The following ZNF609 variants were observed in gnomAD, a reference collection of about 807,000 sequenced individuals.
The protein encoded by ZNF609 is zinc finger protein 609.
In ZNF609, 11 loss-of-function variants were observed where a neutral mutation model predicts 109.5. The ratio of observed to expected loss-of-function variants is 0.10; its 90% CI spans 0.06 to 0.17. The LOEUF is 0.17. Among genes scored for constraint, ZNF609 ranks in the 10% least tolerant of loss-of-function variants. ZNF609 has a pLI of 1.00. For synonymous variants in ZNF609, 646 were observed against 662.0 expected, an observed-to-expected ratio of 0.98 and a Z score of 0.37; for missense variants, 1,559 against 1,772.4, an observed-to-expected ratio of 0.88 and a Z score of 2.16.
intron 2 of ZNF609, among the ~76,000 whole-genome samples, chr15:64,534,634 A>T (rs1380894874): frequency 3.9e-5 from 6 of 152,040 alleles, no homozygotes; most frequent in Non-Finnish European, 7.4e-5. Context: ...TTTTTATACC[A>T]TACCCACTTT....
intron 3 of ZNF609, among the ~76,000 whole-genome samples, chr15:64,665,480 C>G (rs999997263): frequency 6.6e-6 from 1 of 152,248 alleles, no homozygotes. Flanking sequence ...GACCAGGTGC[C>G]GTGGCTCATG....
chr15:64,568,458 C>T (rs2140411273), intron 2 of ZNF609, among the ~76,000 whole-genome samples: 1 of 152,282 alleles, frequency 6.6e-6, no homozygotes, highest in Admixed American at 6.5e-5. Flanking sequence ...ATTAGAATAA[C>T]TTGAGGAGCT....
intron 2 of ZNF609, among the ~76,000 whole-genome samples, chr15:64,566,519 T>C (rs75187974): frequency 0.013 from 1,980 of 152,300 alleles, 33 homozygotes; most frequent in African/African-American, 0.046. Flanking sequence ...TCAGAATAGG[T>C]GGCCATGATG....
chr15:64,668,146 A>T (rs886529671), intron 3 of ZNF609, among the ~76,000 whole-genome samples: 3 of 152,228 alleles, frequency 2.0e-5, no homozygotes, highest in Admixed American at 2.0e-4. Flanking sequence ...TAACAAAGAC[A>T]TTCCACTCAA....
Position 64,636,276 on chromosome 15 carries a change from G to A in ZNF609, c.973+13224G>A, listed in dbSNP as rs1896173694. On this transcript the variant is annotated intron_variant, in intron 3 of 9. Transcript: ENST00000326648. ...ACTATCCCTGTGCTTACTCCTGCCAGATCCTTTATTTCCTTTAGTTGCTGC... is the reference window on the plus strand; with the variant it reads ...ACTATCCCTGTGCTTACTCCTGCCAAATCCTTTATTTCCTTTAGTTGCTGC... Among the ~76,000 whole-genome samples the A allele has an allele frequency of 5.3e-5, 8 of 152,276 alleles. No homozygotes were observed. In the South Asian group the frequency reaches 1.5e-3, roughly 28 times the overall value.
intron 3 of ZNF609, among the ~76,000 whole-genome samples, chr15:64,653,706 C>T (rs781349315): frequency 1.4e-4 from 22 of 152,004 alleles, no homozygotes; most frequent in Non-Finnish European, 2.8e-4. Context: ...TTATTCAACC[C>T]CACTCCCCCA....
At chr15:64,557,644 T>C (rs1894610685) in intron 2 of ZNF609, among the ~76,000 whole-genome samples, 1 of 152,098 alleles carries the variant, frequency 6.6e-6, no homozygotes, top group African/African-American at 2.4e-5. Context: ...TGTCATGAAA[T>C]TGAATTTTAG....
intron 1 of ZNF609, among the ~76,000 whole-genome samples, chr15:64,497,452 C>A (rs1893496828): frequency 6.6e-6 from 1 of 152,138 alleles, no homozygotes; most frequent in Non-Finnish European, 1.5e-5. Flanking sequence ...CACCCTAGTT[C>A]TTTGACATTG....
intron 1 of ZNF609, among the ~76,000 whole-genome samples, chr15:64,477,548 C>G (rs964039503): frequency 2.6e-5 from 4 of 151,638 alleles, no homozygotes; most frequent in African/African-American, 7.3e-5. Context: ...TTAGGCCAGA[C>G]AGCTATTTAG....
chr15:64,552,721 C>T (rs1167237917), intron 2 of ZNF609, among the ~76,000 whole-genome samples: 1 of 152,142 alleles, frequency 6.6e-6, no homozygotes, highest in Non-Finnish European at 1.5e-5. Context: ...GGGATCATAG[C>T]TCACTGCAGC....
chr15:64,678,138 C>T lies in ZNF609; in HGVS notation c.3425C>T (p.Thr1142Ile). The T allele has an allele frequency of 1.2e-6, 2 of 1,613,826 alleles. No individual in the cohort carries two copies. Among genetic ancestry groups the T allele is most frequent in the South Asian group, 1.1e-5 (1 of 91,056 alleles). The part of the protein sequence containing the change: ...YRQEAEPRMW[T>I]YVYPAKYSDI... Reference sequence around the variant, plus strand: ...TAGGAGGCAGAGCCCCGGATGTGGACATATGTTTATCCTGCCAAGTACTCA... The same window carrying T: ...TAGGAGGCAGAGCCCCGGATGTGGATATATGTTTATCCTGCCAAGTACTCA... Residue 1142 changes from threonine (T) to isoleucine (I), a missense_variant, in exon 6 of 10, where the codon ACA becomes ATA. Coordinates refer to ENST00000326648, the MANE Select transcript of ZNF609 (RefSeq NM_015042.2).
intron 3 of ZNF609, among the ~76,000 whole-genome samples, chr15:64,633,830 G>A (rs748538051): frequency 6.6e-6 from 1 of 151,462 alleles, no homozygotes; most frequent in Non-Finnish European, 1.5e-5. Flanking sequence ...GCAGTGAGCC[G>A]AGATAGTGCC....
intron 2 of ZNF609, among the ~76,000 whole-genome samples, chr15:64,534,910 G>T (rs1894116649): frequency 6.6e-6 from 1 of 151,912 alleles, no homozygotes; most frequent in Admixed American, 6.6e-5. Context: ...GCATGAGCCT[G>T]TAATCCCAGC....
intron 2 of ZNF609, among the ~76,000 whole-genome samples, chr15:64,619,685 A>G (rs1895849842): frequency 6.6e-6 from 1 of 152,192 alleles, no homozygotes; most frequent in Admixed American, 6.5e-5. Context: ...TAGTAACTCT[A>G]ATCAGTAAGG....
chr15:64,551,220 T>C (rs893048636), intron 2 of ZNF609, among the ~76,000 whole-genome samples: 8 of 152,170 alleles, frequency 5.3e-5, no homozygotes, highest in Non-Finnish European at 5.9e-5. Flanking sequence ...GCCCAGCTGG[T>C]TCATTTTGAA....
chr15:64,673,801 C>T (rs1186955014), intron 4 of ZNF609, 115 bp from the exon 5 acceptor site: 5 of 1,199,940 alleles, frequency 4.2e-6, no homozygotes, highest in Non-Finnish European at 5.8e-6. Context: ...TTTAACAAAT[C>T]ATATTCATTG....
intron 2 of ZNF609, among the ~76,000 whole-genome samples, chr15:64,525,555 T>G (rs1893957483): frequency 1.3e-5 from 2 of 152,180 alleles, no homozygotes. Flanking sequence ...CTATTCTGAG[T>G]CCTTTGCATT....
chr15:64,644,971 CTTTCTTTCTT>C (rs1343599464), intron 3 of ZNF609, among the ~76,000 whole-genome samples: 21 of 140,590 alleles, frequency 1.5e-4, no homozygotes, highest in African/African-American at 5.9e-4. Flanking sequence ...TTCTTTTCTT[CTTTCTTTCTT>C]TTTCTTTCTT....
chr15:64,521,848 ATCCCTG>A (rs1199408253), intron 2 of ZNF609, among the ~76,000 whole-genome samples: 1 of 152,124 alleles, frequency 6.6e-6, no homozygotes, highest in Non-Finnish European at 1.5e-5. Flanking sequence ...GTGCCACTGG[ATCCCTG>A]TCCCTTCATT....
Sources: gnomAD v4.1 joint callset for allele counts (sites outside exome capture counted in the v4.1 genomes callset) on GRCh38, gnomAD v4.1.1 for gene constraint, MANE v1.5 for transcripts, NCBI Gene and HGNC (gene_info 2026-07-23, HGNC 2026-07-21) for gene names.